Variants in NEK7 observed in about 807,000 individuals in gnomAD.
The protein encoded by NEK7 is NIMA related kinase 7.
NEK7 carries 18 observed loss-of-function variants against 44.6 expected under a neutral mutation model. The ratio of observed to expected loss-of-function variants is 0.40; its 90% CI spans 0.28 to 0.60. NEK7 has a LOEUF of 0.60. Ranked by LOEUF, NEK7 falls within the 20% of genes least tolerant of loss-of-function variation. NEK7 has a pLI of 0.38. For synonymous variants in NEK7, 130 were observed against 121.1 expected (o/e 1.07, Z -0.48); for missense variants, 256 against 366.5 (o/e 0.70, Z 2.46).
intron 1 of NEK7, among the ~76,000 whole-genome samples, chr1:198,159,618 C>T (rs535307318): frequency 5.3e-5 from 8 of 152,228 alleles, no homozygotes; most frequent in African/African-American, 1.9e-4. Flanking sequence ...AGCGTACAGA[C>T]TCATTTTATA....
chr1:198,304,607 C>G (rs1264554560), intron 9 of NEK7, among the ~76,000 whole-genome samples: 1 of 152,082 alleles, frequency 6.6e-6, no homozygotes, highest in East Asian at 1.9e-4. Context: ...CTGTAATGCA[C>G]AAAGAGCCCT....
chr1:198,313,157 CTCT>C (rs1445844523), intron 9 of NEK7, among the ~76,000 whole-genome samples: 1 of 152,202 alleles, frequency 6.6e-6, no homozygotes, highest in African/African-American at 2.4e-5. Context: ...GAATAGTTAG[CTCT>C]TCTTGTTGAG....
intron 3 of NEK7, chr1:198,256,335 T>A (rs781316366): frequency 1.2e-6 from 2 of 1,605,698 alleles, no homozygotes; most frequent in South Asian, 2.2e-5. Context: ...CAGGTTTGCC[T>A]GTTACCTGTA....
chr1:198,177,816 G>C (rs1233029550), intron 1 of NEK7, among the ~76,000 whole-genome samples: 1 of 151,938 alleles, frequency 6.6e-6, no homozygotes, highest in Non-Finnish European at 1.5e-5. Context: ...CTGGTTAAAG[G>C]AGGCCTTTAA....
intron 5 of NEK7, among the ~76,000 whole-genome samples, chr1:198,272,643 C>A (rs1288795065): frequency 6.6e-6 from 1 of 151,848 alleles, no homozygotes; most frequent in Non-Finnish European, 1.5e-5. Flanking sequence ...TTATCTATCA[C>A]TAGTACTCTG....
chr1:198,192,709 G>T (rs936520599), intron 1 of NEK7, among the ~76,000 whole-genome samples: 3 of 152,150 alleles, frequency 2.0e-5, no homozygotes, highest in African/African-American at 7.2e-5. Flanking sequence ...GCTCCTGAAT[G>T]ACTCCTGGGT....
At chr1:198,274,746 A>T (rs1653963782) in intron 5 of NEK7, among the ~76,000 whole-genome samples, 1 of 151,716 alleles carries the variant, frequency 6.6e-6, no homozygotes, top group Non-Finnish European at 1.5e-5. Flanking sequence ...TTCAAAAATG[A>T]TACTTAGATA....
At chr1:198,315,041 A>G (rs551560890) in intron 9 of NEK7, among the ~76,000 whole-genome samples, 4 of 152,022 alleles carry the variant, frequency 2.6e-5, no homozygotes, top group East Asian at 1.9e-4. Flanking sequence ...CCTCGCCGCC[A>G]CCTTGCAGTT....
At chr1:198,210,877 C>A (rs1250807511) in intron 1 of NEK7, among the ~76,000 whole-genome samples, 3 of 149,860 alleles carry the variant, frequency 2.0e-5, no homozygotes, top group Non-Finnish European at 4.5e-5. Flanking sequence ...CTCAGCCTCC[C>A]AAGTAGCTGG....
At chr1:198,169,248 A>G (rs1468959763) in intron 1 of NEK7, among the ~76,000 whole-genome samples, 1 of 152,218 alleles carries the variant, frequency 6.6e-6, no homozygotes, top group Non-Finnish European at 1.5e-5. Context: ...ATAGGTAGCT[A>G]AATGAGATGC....
intron 3 of NEK7, chr1:198,256,570 G>A: frequency 7.1e-7 from 1 of 1,408,228 alleles, no homozygotes; most frequent in South Asian, 1.5e-5. Context: ...TCCTTCTTCA[G>A]TGCTTCCCTT....
At chr1:198,219,895 C>T (rs1350316888) in intron 1 of NEK7, among the ~76,000 whole-genome samples, 1 of 130,644 alleles carries the variant, frequency 7.7e-6, no homozygotes, top group African/African-American at 3.0e-5. Flanking sequence ...TATGAAATCA[C>T]TCTTTTTCCC....
At chr1:198,219,055 T>C (rs1484800461) in intron 1 of NEK7, among the ~76,000 whole-genome samples, 3 of 152,052 alleles carry the variant, frequency 2.0e-5, no homozygotes, top group East Asian at 3.9e-4. Flanking sequence ...ATTCCACTGA[T>C]GGGTGTCTAC....
intron 3 of NEK7, chr1:198,256,360 G>A (rs1362912303): frequency 1.9e-6 from 3 of 1,611,634 alleles, no homozygotes; most frequent in African/African-American, 1.3e-5. Flanking sequence ...AAAGAAGAGT[G>A]TGTGCGCTAA....
At chr1:198,273,782 A>G (rs1188126048) in intron 5 of NEK7, among the ~76,000 whole-genome samples, 2 of 151,744 alleles carry the variant, frequency 1.3e-5, no homozygotes, top group Non-Finnish European at 3.0e-5. Context: ...ATACCAAGAA[A>G]CTATTATTTT....
chr1:198,189,512 T>G (rs553847119), intron 1 of NEK7, among the ~76,000 whole-genome samples: 220 of 152,274 alleles, frequency 1.4e-3, no homozygotes, highest in Middle Eastern at 3.4e-3. Flanking sequence ...TTTTGGTATA[T>G]ATAACTTTTG....
intron 1 of NEK7, among the ~76,000 whole-genome samples, chr1:198,229,456 T>G (rs1558067301): frequency 6.6e-6 from 1 of 152,188 alleles, no homozygotes; most frequent in Non-Finnish European, 1.5e-5. Flanking sequence ...TGACGTGGGT[T>G]GGTCAGAAAT....
intron 9 of NEK7, among the ~76,000 whole-genome samples, chr1:198,301,316 C>T (rs914375770): frequency 2.6e-5 from 4 of 151,936 alleles, no homozygotes; most frequent in Admixed American, 1.3e-4. Flanking sequence ...TTTGGGAGGC[C>T]GAGGCGGGCG....
chr1:198,300,892 A>G (rs1654862780), intron 9 of NEK7, among the ~76,000 whole-genome samples: 1 of 152,154 alleles, frequency 6.6e-6, no homozygotes, highest in Admixed American at 6.5e-5. Context: ...TTTTATTGAT[A>G]TTACTTTCTA....
Sources: gnomAD v4.1 joint callset for allele counts (sites outside exome capture counted in the v4.1 genomes callset) on GRCh38, gnomAD v4.1.1 for gene constraint, MANE v1.5 for transcripts, NCBI Gene and HGNC (gene_info 2026-07-23, HGNC 2026-07-21) for gene names.